The following XDH variants were observed in gnomAD, a reference collection of about 807,000 sequenced individuals.
XDH encodes xanthine dehydrogenase/oxidase.
Under a neutral mutation model 156.1 loss-of-function variants are expected in XDH, and 138 were observed. The ratio of observed to expected loss-of-function variants is 0.88; its 90% CI spans 0.77 to 1.02. The LOEUF is 1.02. Ranked by LOEUF, XDH falls within the 50% of genes least tolerant of loss-of-function variation. XDH has a pLI of 0.00. For missense variants in XDH, 1,849 were observed against 1,684.9 expected (o/e 1.10, Z -1.71); for synonymous variants, 669 against 625.7 (o/e 1.07, Z -1.03).
intron 14 of XDH, 111 bp downstream of exon 14, chr2:31,376,927 CAGTAGTTATGGTAGT>C (rs1305305140): frequency 8.1e-7 from 1 of 1,228,604 alleles, no homozygotes; most frequent in Admixed American, 1.8e-5. Flanking sequence ...GCAGCAGTAG[CAGTAGTTATGGTAGT>C]AGTAGCAGCA....
intron 2 of XDH, among the ~76,000 whole-genome samples, chr2:31,405,509 C>T (rs1220580459): frequency 6.6e-6 from 1 of 152,256 alleles, no homozygotes; most frequent in Admixed American, 6.5e-5. Context: ...CCTTGCTTCC[C>T]TCCACCTAGG....
At position 31,375,413 on chromosome 2, in the gene XDH, G is replaced by A. The variant is rs369143571; in HGVS notation, c.1569C>T (p.Val523=). ...GGTTCTCTTGGCCCAGCTTCTGAAGGACTGTCAGGTAGAACTTGAAGAAGA... is the reference window on the plus strand; with the variant it reads ...GGTTCTCTTGGCCCAGCTTCTGAAGAACTGTCAGGTAGAACTTGAAGAAGA... ...LSFFFKFYLT[V]LQKLGQENLE... The change falls in exon 15 of 36, where the codon GTC becomes GTT. Residue 523 remains valine, a synonymous_variant. Coordinates refer to ENST00000379416, the MANE Select transcript of XDH (RefSeq NM_000379.4). 1.9e-6 allele frequency: 3 copies of A among 1,614,158 alleles called. No homozygotes were observed. In the Admixed American group the frequency reaches 5.0e-5, roughly 27 times the overall value.
chr2:31,389,022 C>T lies in XDH; in HGVS notation c.496-727G>A, dbSNP rs941671912. 4.0e-5 allele frequency among the ~76,000 whole-genome samples: 6 copies of T among 149,616 alleles called. No homozygotes were observed. The South Asian group carries it at 6.8e-4, about 17-fold the overall frequency. ...GAGGCACTGCAGGGTGGCAGAGGGGCGCACTCAGCTGACTGATCTGCAGCT... is the reference window on the plus strand; with the variant it reads ...GAGGCACTGCAGGGTGGCAGAGGGGTGCACTCAGCTGACTGATCTGCAGCT... On this transcript the variant is annotated intron_variant, in intron 6 of 35. Coordinates refer to ENST00000379416, the MANE Select transcript of XDH (RefSeq NM_000379.4).
At position 31,350,013 on chromosome 2, in the gene XDH, T is replaced by TACC; in HGVS notation, c.2823+16_2823+18dup. 1 of 1,613,456 alleles carries TACC rather than the reference T, an allele frequency of 6.2e-7. No homozygotes were observed. Among genetic ancestry groups the TACC allele is most frequent in the Non-Finnish European group, 8.5e-7 (1 of 1,180,024 alleles). On this transcript the variant is annotated intron_variant, in intron 25 of 35. Coordinates refer to ENST00000379416, the MANE Select transcript of XDH (RefSeq NM_000379.4). The stretch of plus-strand genomic sequence containing the variant: ...TAGTCTAAAGCACTCTGACTTGTGC[T>TACC]ACCAAATTCTCAGCTTACCTCCTCT...
chr2:31,386,481 G>C lies in XDH; in HGVS notation c.726C>G (p.Leu242=). 1 of 1,614,130 alleles carries C rather than the reference G, an allele frequency of 6.2e-7. No homozygotes were observed. Among genetic ancestry groups the C allele is most frequent in the Non-Finnish European group, 8.5e-7 (1 of 1,180,030 alleles). ...ERVTWIQAST[L]KELLDLKAQH... is the part of the protein sequence containing the mutation. ...GAGCCTTGAGGTCCAGCAGCTCCTT[G>C]AGGGTTGAGGCCTGTATCCACGTCA... The change falls in exon 9 of 36, where the codon CTC becomes CTG. Residue 242 remains leucine, a synonymous_variant. Coordinates refer to ENST00000379416, the MANE Select transcript of XDH (RefSeq NM_000379.4).
chr2:31,394,852 G>T (rs1245098928), intron 6 of XDH, among the ~76,000 whole-genome samples: 2 of 152,104 alleles, frequency 1.3e-5, no homozygotes, highest in African/African-American at 4.8e-5. Context: ...TCTTCAATTT[G>T]TTATAAGCGT....
At chr2:31,350,959 C>T (rs1349168835) in intron 24 of XDH, among the ~76,000 whole-genome samples, 2 of 152,158 alleles carry the variant, frequency 1.3e-5, no homozygotes, top group Non-Finnish European at 2.9e-5. Flanking sequence ...TTACAATTCT[C>T]ATAGCTTATC....
rs1445988351 is a variant in XDH, at chr2:31,368,529, A to G, written c.2100+12T>C. On this transcript the variant is annotated intron_variant, in intron 19 of 35. Transcript: ENST00000379416. ...GCTCACTCCTCTACACAGGCAGCCC[A>G]TTCTCAGTTACCTCAATTGTGATAA... 3 of 1,614,070 alleles carry G rather than the reference A, an allele frequency of 1.9e-6. No homozygotes were observed. Among genetic ancestry groups the G allele is most frequent in the Non-Finnish European group, 2.5e-6 (3 of 1,180,004 alleles).
intron 24 of XDH, among the ~76,000 whole-genome samples, chr2:31,353,904 C>T (rs1685557012): frequency 1.3e-5 from 2 of 152,152 alleles, no homozygotes; most frequent in South Asian, 2.1e-4. Flanking sequence ...TCAAGACTTT[C>T]ATTGCTGATG....
intron 6 of XDH, among the ~76,000 whole-genome samples, chr2:31,397,045 G>C (rs900716323): frequency 2.6e-5 from 4 of 152,162 alleles, no homozygotes; most frequent in Non-Finnish European, 5.9e-5. Context: ...AGTAAAACCT[G>C]GGGGGAGATT....
intron 24 of XDH, among the ~76,000 whole-genome samples, chr2:31,360,831 C>G (rs1013458168): frequency 2.0e-5 from 3 of 148,530 alleles, no homozygotes; most frequent in Non-Finnish European, 4.4e-5. Flanking sequence ...GAATGTATCT[C>G]CTGCAGATAA....
At chr2:31,404,330 G>A (rs1687140468) in intron 2 of XDH, among the ~76,000 whole-genome samples, 1 of 152,198 alleles carries the variant, frequency 6.6e-6, no homozygotes, top group East Asian at 1.9e-4. Context: ...ACCTGAAGAT[G>A]AATGGTGGCA....
intron 28 of XDH, 88 bp downstream of exon 28, chr2:31,348,180 T>C: frequency 7.3e-7 from 1 of 1,375,720 alleles, no homozygotes. Context: ...ACCCCGGGCC[T>C]GCTTCTGCTC....
chr2:31,350,610 G>A (rs1014943313), intron 24 of XDH, among the ~76,000 whole-genome samples: 4 of 151,886 alleles, frequency 2.6e-5, no homozygotes, highest in South Asian at 2.1e-4. Flanking sequence ...TCCTGACCTC[G>A]TGATCCGCCC....
chr2:31,348,498 C>T, intron 27 of XDH, 135 bp from the exon 28 acceptor site: 1 of 770,804 alleles, frequency 1.3e-6, no homozygotes, highest in Admixed American at 2.0e-5. Context: ...AAAATTATGG[C>T]AGTATGAATC....
At chr2:31,365,614 T>C (rs1433920568) in intron 22 of XDH, 70 bp from the exon 23 acceptor site, 2 of 1,577,550 alleles carry the variant, frequency 1.3e-6, no homozygotes, top group African/African-American at 1.3e-5. Flanking sequence ...AGTCTCAGAA[T>C]AAAAACAGCC....
Position 31,385,460 on chromosome 2 carries a change from G to A in XDH, c.793+954C>T, listed in dbSNP as rs553306941. 9.2e-5 allele frequency among the ~76,000 whole-genome samples: 14 copies of A among 152,308 alleles called. No homozygotes were observed. The South Asian group carries it at 2.1e-3, about 23-fold the overall frequency. ...CCAGGCTCTCCTCTCTGTGGCTGAG[G>A]AGCCAACCAGAACTCAGGGCTTGGC... On this transcript the variant is annotated intron_variant, in intron 9 of 35. Transcript: ENST00000379416.
At chr2:31,388,432 G>T in intron 6 of XDH, 137 bp from the exon 7 acceptor site, 4 of 948,562 alleles carry the variant, frequency 4.2e-6, no homozygotes, top group Non-Finnish European at 5.0e-6. Flanking sequence ...CATCCTGCCT[G>T]CCTGTTGCCC....
chr2:31,369,612 G>C (rs1422266708), intron 18 of XDH, among the ~76,000 whole-genome samples: 2 of 152,146 alleles, frequency 1.3e-5, no homozygotes, highest in Non-Finnish European at 2.9e-5. Flanking sequence ...TTGCAATGGT[G>C]GTTAAATCTG....
Sources: allele counts gnomAD v4.1 joint callset (sites outside exome capture counted in the v4.1 genomes callset), GRCh38; gene constraint gnomAD v4.1.1; transcripts MANE v1.5; gene names NCBI Gene and HGNC (gene_info 2026-07-23, HGNC 2026-07-21).